Variants in KCNIP4 observed in about 807,000 individuals in gnomAD.
KCNIP4 encodes the protein potassium voltage-gated channel interacting protein 4.
In KCNIP4, 12 loss-of-function variants were observed where a neutral mutation model predicts 34.0. The observed-to-expected ratio is 0.35, with a 90% CI of 0.23 to 0.57. KCNIP4 has a LOEUF of 0.57. Ranked by LOEUF, KCNIP4 falls within the 20% of genes least tolerant of loss-of-function variation. The probability of loss-of-function intolerance (pLI) is 0.83; values close to 1 mark genes in which losing one functional copy is unlikely to be tolerated. For missense variants in KCNIP4, 238 were observed against 311.7 expected, an observed-to-expected ratio of 0.76 and a Z score of 1.78; for synonymous variants, 124 against 102.2, an observed-to-expected ratio of 1.21 and a Z score of -1.29.
At chr4:21,694,206 T>C (rs1272382876) in intron 1 of KCNIP4, among the ~76,000 whole-genome samples, 1 of 152,176 alleles carries the variant, frequency 6.6e-6, no homozygotes, top group East Asian at 1.9e-4. Flanking sequence ...CAAATAGAAG[T>C]GTCGTATTCT....
At chr4:20,774,840 T>G (rs1756236027) in intron 3 of KCNIP4, among the ~76,000 whole-genome samples, 1 of 152,142 alleles carries the variant, frequency 6.6e-6, no homozygotes, top group Non-Finnish European at 1.5e-5. Flanking sequence ...GAGACAAGGT[T>G]GGTTAATTTG....
At chr4:21,636,404 T>C (rs1037284427) in intron 1 of KCNIP4, among the ~76,000 whole-genome samples, 1 of 152,138 alleles carries the variant, frequency 6.6e-6, no homozygotes, top group Non-Finnish European at 1.5e-5. Context: ...CCTAAAACTA[T>C]TACTTGAAAA....
At chr4:21,874,079 C>T (rs1001665460) in intron 1 of KCNIP4, among the ~76,000 whole-genome samples, 8 of 152,166 alleles carry the variant, frequency 5.3e-5, no homozygotes, top group East Asian at 1.9e-4. Flanking sequence ...TACGCATAGC[C>T]GCAACAAGGA....
chr4:21,081,558 G>A (rs1746008586), intron 1 of KCNIP4, among the ~76,000 whole-genome samples: 2 of 151,518 alleles, frequency 1.3e-5, no homozygotes, highest in South Asian at 4.1e-4. Flanking sequence ...TTATTAAGAA[G>A]GTAAGAAAAG....
In KCNIP4 at chr4:21,260,083, GAGA is replaced by G. The variant is rs547306017; in HGVS notation, c.62-377377_62-377375del. Among the ~76,000 whole-genome samples, 656 of 152,268 alleles carry G rather than the reference GAGA, an allele frequency of 4.3e-3. 11 individuals are homozygous for G. The highest frequency in any genetic ancestry group is 0.01 in the Middle Eastern group (3 of 294). On this transcript the variant is annotated intron_variant, in intron 1 of 8. Coordinates refer to ENST00000382152, the MANE Select transcript of KCNIP4 (RefSeq NM_025221.6). ...CAGGTGATCATCTGTAATTTAAACGGAGAAGGTGAGATGGTCAGGAATTTAGTT... is the reference window on the plus strand; with the variant it reads ...CAGGTGATCATCTGTAATTTAAACGGAGGTGAGATGGTCAGGAATTTAGTT...
At chr4:21,837,695 G>C (rs1208641627) in intron 1 of KCNIP4, among the ~76,000 whole-genome samples, 2 of 38,636 alleles carry the variant, frequency 5.2e-5, no homozygotes, top group Non-Finnish European at 1.4e-4. Flanking sequence ...TTTCATTATT[G>C]TAAGTCCATG....
At chr4:21,681,226 G>T (rs1045597885) in intron 1 of KCNIP4, among the ~76,000 whole-genome samples, 3 of 151,606 alleles carry the variant, frequency 2.0e-5, no homozygotes, top group Non-Finnish European at 4.4e-5. Flanking sequence ...GTACAGTCTC[G>T]AGTAGCTGGG....
At chr4:21,110,285 G>A (rs1469172131) in intron 1 of KCNIP4, among the ~76,000 whole-genome samples, 1 of 152,122 alleles carries the variant, frequency 6.6e-6, no homozygotes, top group South Asian at 2.1e-4. Flanking sequence ...TCATGTAGGT[G>A]GGTTTACTTC....
At chr4:20,958,659 G>T (rs375889206) in intron 1 of KCNIP4, among the ~76,000 whole-genome samples, 2 of 152,182 alleles carry the variant, frequency 1.3e-5, no homozygotes, top group African/African-American at 4.8e-5. Context: ...TTTTGTGGGA[G>T]TAAGTAATAG....
At chr4:21,742,461 T>C (rs900849392) in intron 1 of KCNIP4, among the ~76,000 whole-genome samples, 5 of 152,192 alleles carry the variant, frequency 3.3e-5, no homozygotes, top group African/African-American at 1.2e-4. Flanking sequence ...CACTTTACAA[T>C]CATATTTCTC....
At chr4:20,914,675 G>A (rs535862668) in intron 1 of KCNIP4, among the ~76,000 whole-genome samples, 24 of 152,210 alleles carry the variant, frequency 1.6e-4, no homozygotes. Context: ...TTTTTGAATG[G>A]CTGGTCCCAG....
intron 1 of KCNIP4, among the ~76,000 whole-genome samples, chr4:21,678,434 T>C (rs1750082833): frequency 1.3e-5 from 2 of 151,866 alleles, no homozygotes; most frequent in Non-Finnish European, 2.9e-5. Flanking sequence ...ACCTCTGCTC[T>C]ACAACTTAAT....
Position 21,880,661 on chromosome 4 carries a change from G to A in KCNIP4, c.61+67910C>T, listed in dbSNP as rs189188389. Among the ~76,000 whole-genome samples the A allele has an allele frequency of 8.5e-5, 13 of 152,282 alleles. No individual in the cohort carries two copies. In the East Asian group the frequency reaches 1.3e-3, roughly 16 times the overall value. ...AGAAGAGAACAAAATGATATTAACT[G>A]AGAATTTACTGTATGGCATGTATAA... On this transcript the variant is annotated intron_variant, in intron 1 of 8. Coordinates refer to ENST00000382152, the MANE Select transcript of KCNIP4 (RefSeq NM_025221.6).
At chr4:20,928,681 G>T (rs1192657966) in intron 1 of KCNIP4, among the ~76,000 whole-genome samples, 1 of 151,846 alleles carries the variant, frequency 6.6e-6, no homozygotes, top group Non-Finnish European at 1.5e-5. Flanking sequence ...AGAATTAGTT[G>T]TATGGATAGG....
chr4:21,498,919 GCAAA>G (rs1229767084), intron 1 of KCNIP4, among the ~76,000 whole-genome samples: 5 of 152,178 alleles, frequency 3.3e-5, no homozygotes, highest in African/African-American at 1.2e-4. Flanking sequence ...TGATGCAGAA[GCAAA>G]CAGATACTAC....
Position 21,650,906 on chromosome 4 carries a change from T to C in KCNIP4, c.61+297665A>G, listed in dbSNP as rs528179508. The stretch of plus-strand genomic sequence containing the variant: ...CAAGATGCCTATTCTTTGCTGGTTG[T>C]CAGCATGGGGCCACTCAGCTCCTTG... On this transcript the variant is annotated intron_variant, in intron 1 of 8. Transcript: ENST00000382152. Among the ~76,000 whole-genome samples, 7 of 152,262 alleles carry C rather than the reference T, an allele frequency of 4.6e-5. No individual in the cohort carries two copies. In the South Asian group the frequency reaches 1.0e-3, roughly 23 times the overall value.
intron 1 of KCNIP4, among the ~76,000 whole-genome samples, chr4:21,081,492 A>T (rs987340943): frequency 6.6e-6 from 1 of 151,754 alleles, no homozygotes; most frequent in Non-Finnish European, 1.5e-5. Context: ...AGTATGTTTT[A>T]AAATTAACCT....
chr4:21,398,327 T>G (rs1723180757), intron 1 of KCNIP4, among the ~76,000 whole-genome samples: 1 of 151,148 alleles, frequency 6.6e-6, no homozygotes, highest in Non-Finnish European at 1.5e-5. Flanking sequence ...AAAATTGAAC[T>G]TAATTCCTTT....
intron 1 of KCNIP4, among the ~76,000 whole-genome samples, chr4:21,796,310 A>G (rs1720621568): frequency 6.6e-6 from 1 of 152,176 alleles, no homozygotes; most frequent in East Asian, 1.9e-4. Context: ...CTCCCTCCCT[A>G]CATCAGCTTT....
Sources: gnomAD v4.1 joint callset for allele counts (sites outside exome capture counted in the v4.1 genomes callset) on GRCh38, gnomAD v4.1.1 for gene constraint, MANE v1.5 for transcripts, NCBI Gene and HGNC (gene_info 2026-07-23, HGNC 2026-07-21) for gene names.